The following SNTB1 variants were observed in gnomAD, a reference collection of about 807,000 sequenced individuals.
SNTB1 encodes syntrophin beta 1.
SNTB1 carries 36 observed loss-of-function variants against 48.9 expected under a neutral mutation model. That is an observed-to-expected ratio of 0.74 (90% CI 0.56 to 0.97). The LOEUF (loss-of-function observed/expected upper bound fraction) is 0.97, where lower values mean the gene tolerates loss of function less well. SNTB1 is among the 50% of genes least tolerant of loss of function. The probability of loss-of-function intolerance (pLI) is 0.00; values close to 1 mark genes in which losing one functional copy is unlikely to be tolerated. For synonymous variants in SNTB1, 299 were observed against 294.6 expected, an observed-to-expected ratio of 1.01 and a Z score of -0.15; for missense variants, 786 against 703.4, an observed-to-expected ratio of 1.12 and a Z score of -1.33.
chr8:120,569,169 C>T (rs1156342951), intron 4 of SNTB1, among the ~76,000 whole-genome samples: 1 of 152,034 alleles, frequency 6.6e-6, no homozygotes, highest in Non-Finnish European at 1.5e-5. Context: ...TTAGTAGAGA[C>T]GGGGTTTCAC....
chr8:120,578,755 T>C (rs768275354), intron 3 of SNTB1, among the ~76,000 whole-genome samples: 4 of 152,140 alleles, frequency 2.6e-5, no homozygotes, highest in African/African-American at 4.8e-5. Context: ...TAAGAAGTAA[T>C]TGGTAACAAT....
chr8:120,738,579 T>TCCTTCCTTCCTTCCTTCCTTCCTC (rs1818989904), intron 1 of SNTB1, among the ~76,000 whole-genome samples: 1 of 151,022 alleles, frequency 6.6e-6, no homozygotes, highest in South Asian at 2.1e-4. Flanking sequence ...CTTCCTTCCT[T>TCCTTCCTTCCTTCCTTCCTTCCTC]CCTTCCTTCT....
intron 3 of SNTB1, among the ~76,000 whole-genome samples, chr8:120,590,442 G>A (rs933758076): frequency 1.4e-5 from 2 of 140,136 alleles, no homozygotes; most frequent in African/African-American, 6.6e-5. Flanking sequence ...AATCAAATGA[G>A]TAACAGATGC....
chr8:120,564,167 T>C (rs1382464823), intron 4 of SNTB1, among the ~76,000 whole-genome samples: 5 of 152,130 alleles, frequency 3.3e-5, no homozygotes, highest in Non-Finnish European at 7.3e-5. Flanking sequence ...TTGTGCCTCT[T>C]TCCACCCAAT....
chr8:120,707,070 C>G (rs915452095), intron 1 of SNTB1, among the ~76,000 whole-genome samples: 1 of 152,126 alleles, frequency 6.6e-6, no homozygotes, highest in Non-Finnish European at 1.5e-5. Flanking sequence ...CTATGGATAC[C>G]TCCTATTTTG....
intron 2 of SNTB1, among the ~76,000 whole-genome samples, chr8:120,644,595 C>G (rs368803717): frequency 1.3e-5 from 2 of 152,028 alleles, no homozygotes; most frequent in East Asian, 1.9e-4. Context: ...CAAGTCTTTG[C>G]TATTGTGAAT....
At chr8:120,551,998 T>C (rs560233712) in intron 4 of SNTB1, among the ~76,000 whole-genome samples, 1 of 152,290 alleles carries the variant, frequency 6.6e-6, no homozygotes, top group Non-Finnish European at 1.5e-5. Flanking sequence ...CATGCTCTCA[T>C]TTTCCATACC....
chr8:120,782,817 GAA>G (rs1819852549), intron 1 of SNTB1, among the ~76,000 whole-genome samples: 1 of 152,092 alleles, frequency 6.6e-6, no homozygotes, highest in African/African-American at 2.4e-5. Flanking sequence ...AAACACACAT[GAA>G]AATTTAAAAT....
intron 1 of SNTB1, among the ~76,000 whole-genome samples, chr8:120,727,797 A>T (rs1818785422): frequency 6.6e-6 from 1 of 152,162 alleles, no homozygotes; most frequent in African/African-American, 2.4e-5. Context: ...ATAAATATGG[A>T]ACACATTCTG....
Position 120,572,985 on chromosome 8 carries a change from T to C in SNTB1, c.1136+2101A>G, listed in dbSNP as rs534163007. Among the ~76,000 whole-genome samples the C allele has an allele frequency of 3.3e-5, 5 of 152,300 alleles. No homozygotes were observed. In the East Asian group the frequency reaches 7.7e-4, roughly 24 times the overall value. ...GCTGTGAATAATGTTGCAATGAACATGGGAGCGTAACTACCTCTTTAAGAC... is the reference window on the plus strand; with the variant it reads ...GCTGTGAATAATGTTGCAATGAACACGGGAGCGTAACTACCTCTTTAAGAC... On this transcript the variant is annotated intron_variant, in intron 4 of 6. Coordinates refer to ENST00000517992, the MANE Select transcript of SNTB1 (RefSeq NM_021021.4).
chr8:120,553,926 A>G (rs1366818993), intron 4 of SNTB1, among the ~76,000 whole-genome samples: 4 of 152,166 alleles, frequency 2.6e-5, no homozygotes, highest in African/African-American at 9.7e-5. Context: ...TGAACCCAGG[A>G]GGCAGAGGTT....
intron 1 of SNTB1, among the ~76,000 whole-genome samples, chr8:120,728,990 T>C (rs914242146): frequency 9.2e-5 from 14 of 152,172 alleles, no homozygotes; most frequent in Non-Finnish European, 1.8e-4. Flanking sequence ...CTGACCTTTT[T>C]TTTTTTTTGA....
chr8:120,630,784 G>A (rs1338952762), intron 3 of SNTB1, among the ~76,000 whole-genome samples: 2 of 152,110 alleles, frequency 1.3e-5, no homozygotes, highest in African/African-American at 2.4e-5. Flanking sequence ...AAGACTGAAC[G>A]GATTATCCAA....
intron 2 of SNTB1, among the ~76,000 whole-genome samples, chr8:120,689,125 C>T (rs1054763790): frequency 6.6e-6 from 1 of 152,098 alleles, no homozygotes; most frequent in Non-Finnish European, 1.5e-5. Context: ...GCTGGGTGAC[C>T]TTTTTCACAG....
chr8:120,608,213 G>A (rs955679212), intron 3 of SNTB1, among the ~76,000 whole-genome samples: 5 of 152,062 alleles, frequency 3.3e-5, no homozygotes, highest in African/African-American at 7.2e-5. Flanking sequence ...ATTTCAAATT[G>A]CAAAAGATAA....
In SNTB1 at chr8:120,587,760, C is replaced by T. The variant is rs115819464; in HGVS notation, c.997-12535G>A. Reference sequence around the variant, plus strand: ...CCCATTTCCCTTCATTAGGTGTGAGCGGTCCATACTCAGCTTCCAGAAATG... The same window carrying T: ...CCCATTTCCCTTCATTAGGTGTGAGTGGTCCATACTCAGCTTCCAGAAATG... On this transcript the variant is annotated intron_variant, in intron 3 of 6. Coordinates refer to ENST00000517992, the MANE Select transcript of SNTB1 (RefSeq NM_021021.4). Among the ~76,000 whole-genome samples the T allele has an allele frequency of 2.7e-3, 412 of 152,268 alleles. 2 individuals carry two copies. The highest frequency in any genetic ancestry group is 9.1e-3 in the African/African-American group (378 of 41,550).
At chr8:120,787,836 C>A (rs1207644516) in intron 1 of SNTB1, among the ~76,000 whole-genome samples, 1 of 152,118 alleles carries the variant, frequency 6.6e-6, no homozygotes, top group Non-Finnish European at 1.5e-5. Flanking sequence ...CTTCCCTGGC[C>A]TTGCTAGAGA....
intron 1 of SNTB1, among the ~76,000 whole-genome samples, chr8:120,808,895 G>C: frequency 6.6e-6 from 1 of 152,166 alleles, no homozygotes; most frequent in Non-Finnish European, 1.5e-5. Flanking sequence ...AGGAATCTAG[G>C]TTTTTTTAAA....
At chr8:120,554,147 A>G (rs1815526607) in intron 4 of SNTB1, among the ~76,000 whole-genome samples, 1 of 152,166 alleles carries the variant, frequency 6.6e-6, no homozygotes, top group African/African-American at 2.4e-5. Context: ...CATTCTCCCC[A>G]TGAGTGCCTG....
Sources: gnomAD v4.1 joint callset for allele counts (sites outside exome capture counted in the v4.1 genomes callset) on GRCh38, gnomAD v4.1.1 for gene constraint, MANE v1.5 for transcripts, NCBI Gene and HGNC (gene_info 2026-07-23, HGNC 2026-07-21) for gene names.